The following MGAT4C variants were observed in gnomAD, a reference collection of about 807,000 sequenced individuals.
MGAT4C encodes alpha-1,3-mannosyl-glycoprotein 4-beta-N-acetylglucosaminyltransferase C.
Under a neutral mutation model 40.1 loss-of-function variants are expected in MGAT4C, and 19 were observed. The ratio of observed to expected loss-of-function variants is 0.47; its 90% CI spans 0.33 to 0.70. The LOEUF (loss-of-function observed/expected upper bound fraction) is 0.70. MGAT4C is among the 30% of genes least tolerant of loss of function. MGAT4C has a pLI of 0.02. For synonymous variants in MGAT4C, 181 were observed against 187.1 expected (o/e 0.97, Z 0.27); for missense variants, 491 against 563.2 (o/e 0.87, Z 1.30).
chr12:86,585,869 C>A (rs1400364142), intron 2 of MGAT4C, among the ~76,000 whole-genome samples: 2 of 150,444 alleles, frequency 1.3e-5, no homozygotes, highest in Non-Finnish European at 3.0e-5. Context: ...ATGACTAATA[C>A]TTTTTAAGCC....
rs188682001 is a variant in MGAT4C at position 86,249,508 on chromosome 12, C to T, written c.-57+6731G>A. On this transcript the variant is annotated intron_variant, in intron 1 of 4. Transcript: ENST00000611864. ...GAAGCATTCCTCATTTTCTCAAAAC[C>T]ACAGTGATCCATCTCATCACAGCCC... Among the ~76,000 whole-genome samples the T allele has an allele frequency of 1.1e-3, 173 of 152,256 alleles. 1 individual carries two copies. Among genetic ancestry groups the T allele is most frequent in the African/African-American group, 3.8e-3 (159 of 41,548 alleles).
intron 1 of MGAT4C, among the ~76,000 whole-genome samples, chr12:86,093,365 C>A (rs1344006725): frequency 6.6e-6 from 1 of 152,126 alleles, no homozygotes; most frequent in Non-Finnish European, 1.5e-5. Flanking sequence ...AGGATTCTAT[C>A]TAATACTTTG....
At chr12:86,218,120 T>C (rs1168476048) in intron 1 of MGAT4C, among the ~76,000 whole-genome samples, 4 of 151,964 alleles carry the variant, frequency 2.6e-5, no homozygotes, top group Non-Finnish European at 5.9e-5. Context: ...TTTAGGTCAT[T>C]GGAAAAAAAA....
chr12:86,612,859 G>T (rs1216433708), intron 2 of MGAT4C, among the ~76,000 whole-genome samples: 1 of 151,200 alleles, frequency 6.6e-6, no homozygotes, highest in African/African-American at 2.4e-5. Context: ...TTATGATCTT[G>T]TGTTATCATT....
At chr12:86,442,955 C>G (rs1435736802) in intron 2 of MGAT4C, among the ~76,000 whole-genome samples, 1 of 152,040 alleles carries the variant, frequency 6.6e-6, no homozygotes, top group Non-Finnish European at 1.5e-5. Context: ...AGATAATACT[C>G]AAGTTTTTAG....
chr12:86,773,027 T>TG (rs1951665743), intron 1 of MGAT4C, among the ~76,000 whole-genome samples: 1 of 152,124 alleles, frequency 6.6e-6, no homozygotes, highest in South Asian at 2.1e-4. Context: ...CATACATTTG[T>TG]GGGGGGCAGA....
chr12:86,585,888 C>A (rs984006546), intron 2 of MGAT4C, among the ~76,000 whole-genome samples: 1 of 151,130 alleles, frequency 6.6e-6, no homozygotes, highest in Non-Finnish European at 1.5e-5. Context: ...CCCTTTCATG[C>A]AACATACATC....
intron 1 of MGAT4C, among the ~76,000 whole-genome samples, chr12:86,763,790 T>TAGAACTACCA (rs1252722912): frequency 6.6e-5 from 10 of 152,238 alleles, no homozygotes; most frequent in African/African-American, 2.4e-4. Context: ...CTATAATTGG[T>TAGAACTACCA]AGTTAAAATT....
chr12:86,157,013 A>G (rs962790341), intron 1 of MGAT4C, among the ~76,000 whole-genome samples: 9 of 152,196 alleles, frequency 5.9e-5, no homozygotes, highest in Admixed American at 2.0e-4. Flanking sequence ...TACTGCAGAA[A>G]TATTTCTTAA....
At chr12:86,403,865 A>G (rs1326236245) in intron 3 of MGAT4C, among the ~76,000 whole-genome samples, 6 of 152,220 alleles carry the variant, frequency 3.9e-5, no homozygotes, top group Non-Finnish European at 7.3e-5. Context: ...ATCTTAAATA[A>G]AATGTATTAA....
chr12:86,743,115 C>CGT (rs1565960037), intron 1 of MGAT4C, among the ~76,000 whole-genome samples: 191 of 109,248 alleles, frequency 1.7e-3, no homozygotes, highest in African/African-American at 6.5e-3. Context: ...TGTGTGTATG[C>CGT]ATGTGTGTGT....
intron 2 of MGAT4C, among the ~76,000 whole-genome samples, chr12:86,498,034 T>G (rs1958274187): frequency 6.7e-6 from 1 of 148,564 alleles, no homozygotes; most frequent in South Asian, 2.1e-4. Context: ...GAATAATCTT[T>G]ATTCTAACCT....
Position 86,700,939 on chromosome 12 carries a change from G to C in MGAT4C, c.-229+26270C>G, listed in dbSNP as rs13377888. On this transcript the variant is annotated intron_variant, in intron 2 of 7. Coordinates refer to the MGAT4C transcript ENST00000548651. ...TTGTAGAACTGGCAAATGAGAAAGT[G>C]AATTTTATCAAAATATAATGTAAAC... 6.6e-3 allele frequency among the ~76,000 whole-genome samples: 1,001 copies of C among 152,014 alleles called. 13 individuals carry two copies. The highest frequency in any genetic ancestry group is 0.023 in the African/African-American group (964 of 41,470).
chr12:86,738,524 C>A (rs1403582148), intron 1 of MGAT4C, among the ~76,000 whole-genome samples: 2 of 151,232 alleles, frequency 1.3e-5, no homozygotes, highest in East Asian at 3.9e-4. Flanking sequence ...AGAGCAGGTA[C>A]TCAATTAATA....
intron 1 of MGAT4C, among the ~76,000 whole-genome samples, chr12:86,825,173 A>C (rs948520286): frequency 6.6e-6 from 1 of 151,270 alleles, no homozygotes; most frequent in Non-Finnish European, 1.5e-5. Flanking sequence ...TGATATAAAC[A>C]CCAAGGTTTG....
chr12:86,413,841 C>A (rs953824027), intron 3 of MGAT4C, among the ~76,000 whole-genome samples: 1 of 151,942 alleles, frequency 6.6e-6, no homozygotes, highest in Non-Finnish European at 1.5e-5. Context: ...TGGATTTAAC[C>A]GTGGGAGTTT....
At chr12:86,193,893 T>C (rs1309080973) in intron 1 of MGAT4C, among the ~76,000 whole-genome samples, 1 of 152,126 alleles carries the variant, frequency 6.6e-6, no homozygotes, top group African/African-American at 2.4e-5. Context: ...TTTGGGAAAA[T>C]TTCTAGCCAC....
rs147590111 is a variant in MGAT4C at position 86,827,421 on chromosome 12, T to C, written c.-262+11245A>G. On this transcript the variant is annotated intron_variant, in intron 1 of 7. Transcript: ENST00000548651. ...TCCTACTGAGTTTTTCTCAATAGTA[T>C]TTTTCTGTAAACAAAATATCTGTTG... Among the ~76,000 whole-genome samples the C allele has an allele frequency of 3.9e-3, 594 of 151,636 alleles. 2 individuals are homozygous for C. The highest frequency in any genetic ancestry group is 0.014 in the African/African-American group (581 of 41,490).
chr12:86,254,234 CTT>C (rs1219395990), intron 1 of MGAT4C, among the ~76,000 whole-genome samples: 1 of 151,800 alleles, frequency 6.6e-6, no homozygotes, highest in African/African-American at 2.4e-5. Flanking sequence ...TAATAAAAAA[CTT>C]TTTGTGAAAT....
Sources: gnomAD v4.1 joint callset for allele counts (sites outside exome capture counted in the v4.1 genomes callset) on GRCh38, gnomAD v4.1.1 for gene constraint, MANE v1.5 for transcripts, NCBI Gene and HGNC (gene_info 2026-07-23, HGNC 2026-07-21) for gene names.